The following OR6C4 variants were observed in gnomAD, a reference collection of about 807,000 sequenced individuals.
The protein encoded by OR6C4 is olfactory receptor 6C4.
OR6C4 carries 20 observed loss-of-function variants against 15.1 expected under a neutral mutation model. That is an observed-to-expected ratio of 1.32 (90% CI 0.93 to 1.92). OR6C4 has a LOEUF of 1.92. OR6C4 is among the 30% of genes most tolerant of loss of function. OR6C4 has a pLI of 0.00. For synonymous variants in OR6C4, 179 were observed against 134.2 expected, an observed-to-expected ratio of 1.33 and a Z score of -2.31; for missense variants, 491 against 363.2, an observed-to-expected ratio of 1.35 and a Z score of -2.86.
rs1055760359 is a variant in OR6C4, at chr12:55,552,799, G to T, written c.*643G>T. 2.0e-5 allele frequency: 3 copies of T among 151,846 alleles called. No individual in the cohort carries two copies. The highest frequency in any genetic ancestry group is 7.3e-5 in the African/African-American group (3 of 41,354). The allele number at this position is 151,846 out of a possible 1,614,324, so 9.4% of individuals were successfully genotyped here. The stretch of plus-strand genomic sequence containing the variant: ...TGAGGAGAAAATTTTTAAGATTTTT[G>T]TCAACTTAATATGTCCATTTTCTAG... On this transcript the variant is annotated 3_prime_UTR_variant, in exon 2 of 2. Coordinates refer to ENST00000641569, the MANE Select transcript of OR6C4 (RefSeq NM_001005494.2).
rs1469736024 is a variant in OR6C4, at chr12:55,554,282, G to A, written c.*2126G>A. 6.6e-6 allele frequency: 1 copy of A among 152,144 alleles called. No homozygotes were observed. The highest frequency in any genetic ancestry group is 1.5e-5 in the Non-Finnish European group (1 of 68,024). The allele number at this position is 152,144 out of a possible 1,614,324, so 9.4% of individuals were successfully genotyped here. On this transcript the variant is annotated 3_prime_UTR_variant, in exon 2 of 2. Transcript: ENST00000641569. Reference sequence around the variant, plus strand: ...GAGAGACAGGATGTATTAACATGCTGAGACAAGGAAGGAAGGTACTTTGTG... The same window carrying A: ...GAGAGACAGGATGTATTAACATGCTAAGACAAGGAAGGAAGGTACTTTGTG...
rs1285778824 is a variant in OR6C4 at position 55,551,779 on chromosome 12, C to G, written c.553C>G (p.Leu185Val). The G allele has an allele frequency of 6.2e-7, 1 of 1,612,722 alleles. No individual in the cohort carries two copies. The highest frequency in any genetic ancestry group is 8.5e-7 in the Non-Finnish European group (1 of 1,179,924). Residue 185 changes from leucine to valine, a missense_variant, in exon 2 of 2, where the codon CTT becomes GTT. Leu to Val is a conservative substitution (Grantham distance 32). Coordinates refer to ENST00000641569, the MANE Select transcript of OR6C4 (RefSeq NM_001005494.2). Reference sequence around the variant, plus strand: ...CTGTGACTATGGGCCTCTCGTGGAGCTTGCCTGCTCAGACACAAGCCTCTT... The same window carrying G: ...CTGTGACTATGGGCCTCTCGTGGAGGTTGCCTGCTCAGACACAAGCCTCTT... ...YYCDYGPLVELACSDTSLLEL... is the reference protein window; with the variant it reads ...YYCDYGPLVEVACSDTSLLEL...
chr12:55,550,379 A>G (rs774446773), intron 1 of OR6C4, among the ~76,000 whole-genome samples: 4 of 152,156 alleles, frequency 2.6e-5, no homozygotes, highest in Non-Finnish European at 4.4e-5. Flanking sequence ...TATTATCAAA[A>G]ACTTTTTCTG....
At position 55,551,696 on chromosome 12, in the gene OR6C4, C is replaced by G. The variant is rs772631753; in HGVS notation, c.470C>G (p.Pro157Arg). ...WLGGFLAILP[P>R]IILMTQVDFC... ...GGGGGATTCCTAGCAATCTTACCACCAATCATCCTGATGACCCAGGTAGAT... is the reference window on the plus strand; with the variant it reads ...GGGGGATTCCTAGCAATCTTACCACGAATCATCCTGATGACCCAGGTAGAT... The change falls in exon 2 of 2, where the codon CCA becomes CGA. Residue 157 changes from proline to arginine, a missense_variant. Coordinates refer to ENST00000641569, the MANE Select transcript of OR6C4 (RefSeq NM_001005494.2). The G allele has an allele frequency of 6.2e-7, 1 of 1,613,820 alleles. No individual in the cohort carries two copies. Among genetic ancestry groups the G allele is most frequent in the Non-Finnish European group, 8.5e-7 (1 of 1,179,852 alleles).
rs1247178023 is a variant in OR6C4 at position 55,554,284 on chromosome 12, G to C, written c.*2128G>C. 1 of 152,094 alleles carries C rather than the reference G, an allele frequency of 6.6e-6. No individual in the cohort carries two copies. Among genetic ancestry groups the C allele is most frequent in the Non-Finnish European group, 1.5e-5 (1 of 68,032 alleles). 9.4% of individuals were successfully genotyped at this position (152,094 alleles called of 1,614,324 possible). On this transcript the variant is annotated 3_prime_UTR_variant, in exon 2 of 2. Coordinates refer to ENST00000641569, the MANE Select transcript of OR6C4 (RefSeq NM_001005494.2). ...GAGACAGGATGTATTAACATGCTGA[G>C]ACAAGGAAGGAAGGTACTTTGTGTA...
chr12:55,550,677 T>A (rs778203002), intron 1 of OR6C4, among the ~76,000 whole-genome samples: 2 of 152,200 alleles, frequency 1.3e-5, no homozygotes, highest in African/African-American at 4.8e-5. Context: ...CAGCATTGCC[T>A]GTGTAGGGAA....
chr12:55,550,197 T>C (rs1015402203), intron 1 of OR6C4, 79 bp downstream of exon 1: 2 of 152,116 alleles, frequency 1.3e-5, no homozygotes, highest in Non-Finnish European at 2.9e-5. Context: ...GTATGGAAAG[T>C]TGACAAGAAT....
rs1318626413 is a variant in OR6C4, at chr12:55,553,021, A to G, written c.*865A>G. Reference sequence around the variant, plus strand: ...ATCCTTTTGTTTCACTTTATTAGATATTAGAAAAGAAAATTCTGTTATCTG... The same window carrying G: ...ATCCTTTTGTTTCACTTTATTAGATGTTAGAAAAGAAAATTCTGTTATCTG... On this transcript the variant is annotated 3_prime_UTR_variant, in exon 2 of 2. Coordinates refer to ENST00000641569, the MANE Select transcript of OR6C4 (RefSeq NM_001005494.2). The G allele has an allele frequency of 6.6e-6, 1 of 152,034 alleles. No individual in the cohort carries two copies. Among genetic ancestry groups the G allele is most frequent in the African/African-American group, 2.4e-5 (1 of 41,430 alleles). The allele number at this position is 152,034 out of a possible 1,614,324, so 9.4% of individuals were successfully genotyped here.
In OR6C4 at chr12:55,554,675, G is replaced by C. The variant is rs1368894924; in HGVS notation, c.*2519G>C. On this transcript the variant is annotated 3_prime_UTR_variant, in exon 2 of 2. Transcript: ENST00000641569. ...TCAGAATCATATTATACCAGTGCTA[G>C]GGTGAGGAGACTATGAAAATGAGTA... 1 of 152,128 alleles carries C rather than the reference G, an allele frequency of 6.6e-6. No homozygotes were observed. The highest frequency in any genetic ancestry group is 2.4e-5 in the African/African-American group (1 of 41,440). 9.4% of individuals were successfully genotyped at this position (152,128 alleles called of 1,614,324 possible). A position where few individuals can be genotyped will look rare whatever the true frequency, so the allele number is the denominator to read the frequency against.
intron 1 of OR6C4, 31 bp from the exon 2 acceptor site, chr12:55,551,178 A>ACCT: frequency 2.2e-6 from 3 of 1,334,742 alleles, no homozygotes; most frequent in Non-Finnish European, 3.2e-6. Context: ...GAAACTCTTC[A>ACCT]ATTTTCATCA....
At position 55,551,998 on chromosome 12, in the gene OR6C4, A is replaced by G. The variant is rs368977116; in HGVS notation, c.772A>G (p.Ile258Val). Residue 258 changes from isoleucine to valine, a missense_variant, in exon 2 of 2, where the codon ATT becomes GTT. Coordinates refer to ENST00000641569, the MANE Select transcript of OR6C4 (RefSeq NM_001005494.2). ...LSYGSCMFMY[I>V]NPSAKEGGAF... is the part of the protein sequence containing the mutation. ...TTATGGCAGCTGCATGTTTATGTAC[A>G]TTAATCCTTCTGCAAAAGAAGGAGG... 2 of 1,613,792 alleles carry G rather than the reference A, an allele frequency of 1.2e-6. No homozygotes were observed. The highest frequency in any genetic ancestry group is 2.2e-5 in the South Asian group (2 of 91,066).
At position 55,549,776 on chromosome 12, in the gene OR6C4, A is replaced by G. The variant is rs932879584; in HGVS notation, c.-361A>G. 1.3e-5 allele frequency: 2 copies of G among 152,162 alleles called. No individual in the cohort carries two copies. Among genetic ancestry groups the G allele is most frequent in the East Asian group, 3.9e-4 (2 of 5,172 alleles). 9.4% of individuals were successfully genotyped at this position (152,162 alleles called of 1,614,324 possible). Reference sequence around the variant, plus strand: ...TCTGTCTCTCAGGAACTATGATTTGATTCTGGATTGGATTCTTAGAATGGA... The same window carrying G: ...TCTGTCTCTCAGGAACTATGATTTGGTTCTGGATTGGATTCTTAGAATGGA... On this transcript the variant is annotated 5_prime_UTR_variant, in exon 1 of 2. The change abolishes the stop of an existing upstream ORF in the 5' untranslated region. Transcript: ENST00000641569.
chr12:55,552,087 A>C lies in OR6C4; in HGVS notation c.861A>C (p.Ile287=). The C allele has an allele frequency of 6.2e-7, 1 of 1,610,554 alleles. No individual in the cohort carries two copies. The highest frequency in any genetic ancestry group is 8.5e-7 in the Non-Finnish European group (1 of 1,179,148). The part of the protein sequence containing the change: ...TSVTPLLNPF[I]YTLRNQQVKQ... ...TTACTCCCTTACTGAATCCCTTCATATATACTTTAAGAAATCAGCAAGTGA... is the reference window on the plus strand; with the variant it reads ...TTACTCCCTTACTGAATCCCTTCATCTATACTTTAAGAAATCAGCAAGTGA... The change falls in exon 2 of 2, where the codon ATA becomes ATC. Residue 287 remains isoleucine (I), a synonymous_variant. Coordinates refer to ENST00000641569, the MANE Select transcript of OR6C4 (RefSeq NM_001005494.2).
Position 55,549,672 on chromosome 12 carries a change from CTG to C in OR6C4, c.-463_-462del, listed in dbSNP as rs1218442575. 6.6e-6 allele frequency: 1 copy of C among 152,144 alleles called. No homozygotes were observed. The highest frequency in any genetic ancestry group is 1.5e-5 in the Non-Finnish European group (1 of 68,016). The allele number at this position is 152,144 out of a possible 1,614,324, so 9.4% of individuals were successfully genotyped here. ...TAGAACATAAATTTTCAGAAATTTT[CTG>C]TCTCTCAAAGTATTTTCTTCCAATT... On this transcript the variant is annotated 5_prime_UTR_variant, in exon 1 of 2. Coordinates refer to ENST00000641569, the MANE Select transcript of OR6C4 (RefSeq NM_001005494.2).
In OR6C4 at chr12:55,551,604, A is replaced by G. The variant is rs1873864360; in HGVS notation, c.378A>G (p.Lys126=). 2.1e-5 allele frequency: 34 copies of G among 1,613,940 alleles called. No individual in the cohort carries two copies. Among genetic ancestry groups the G allele is most frequent in the Non-Finnish European group, 2.7e-5 (32 of 1,179,938 alleles). ...MSYDRYVAIC[K]PLHYLTIMSS... is the part of the protein sequence containing the mutation. ...ATGATCGTTATGTGGCCATCTGCAA[A>G]CCCTTGCATTACCTGACTATTATGA... is the stretch of plus-strand genomic sequence containing the variant. The change falls in exon 2 of 2, where the codon AAA becomes AAG. Residue 126 remains lysine, a synonymous_variant. Transcript: ENST00000641569.
Position 55,551,394 on chromosome 12 carries a change from C to T in OR6C4, c.168C>T (p.Pro56=). The change falls in exon 2 of 2, where the codon CCC becomes CCT. Residue 56 remains proline (P), a synonymous_variant. Coordinates refer to ENST00000641569, the MANE Select transcript of OR6C4 (RefSeq NM_001005494.2). ...TACTAGACCCCCACCTCCAGACCCC[C>T]ATGTATTTCTTCCTCCGGAATTTCT... ...LTLLDPHLQT[P]MYFFLRNFSF... 1 of 1,613,938 alleles carries T rather than the reference C, an allele frequency of 6.2e-7. No homozygotes were observed. Among genetic ancestry groups the T allele is most frequent in the Non-Finnish European group, 8.5e-7 (1 of 1,179,940 alleles).
chr12:55,550,731 G>A (rs1873832110), intron 1 of OR6C4, among the ~76,000 whole-genome samples: 3 of 152,108 alleles, frequency 2.0e-5, no homozygotes, highest in African/African-American at 7.2e-5. Flanking sequence ...GATTTGGACA[G>A]TAATGGAGAT....
chr12:55,551,249 G>A lies in OR6C4; in HGVS notation c.23G>A (p.Gly8Asp), dbSNP rs1034597513. The change falls in exon 2 of 2, where the codon GGT (glycine) becomes GAT (aspartate). Residue 8 changes from glycine (G) to aspartate (D), a missense_variant. Transcript: ENST00000641569. MKNRTMF[G>D]EFILLGLTNQ... ...ACAATGAAAAACAGAACCATGTTTGGTGAGTTTATTCTACTGGGCCTTACA... is the reference window on the plus strand; with the variant it reads ...ACAATGAAAAACAGAACCATGTTTGATGAGTTTATTCTACTGGGCCTTACA... 4 of 1,610,306 alleles carry A rather than the reference G, an allele frequency of 2.5e-6. No homozygotes were observed. In the African/African-American group the frequency reaches 5.4e-5, roughly 22 times the overall value.
rs1237089702 is a variant in OR6C4, at chr12:55,551,846, T to C, written c.620T>C (p.Val207Ala). 1.2e-6 allele frequency: 2 copies of C among 1,613,844 alleles called. No individual in the cohort carries two copies. Among genetic ancestry groups the C allele is most frequent in the Non-Finnish European group, 1.7e-6 (2 of 1,179,904 alleles). ...CTCTTGGCCGTTGTGACTCTCATGG[T>C]TACTCTGGTGCTGGTGACACTTTCT... ...VILLAVVTLM[V>A]TLVLVTLSYT... The change falls in exon 2 of 2, where the codon GTT becomes GCT. Residue 207 changes from valine to alanine, a missense_variant. Physicochemically the swap from Val to Ala is moderately conservative, Grantham distance 64 (BLOSUM62 0). Transcript: ENST00000641569.
Sources: allele counts gnomAD v4.1 joint callset (sites outside exome capture counted in the v4.1 genomes callset), GRCh38; gene constraint gnomAD v4.1.1; transcripts MANE v1.5; gene names NCBI Gene and HGNC (gene_info 2026-07-23, HGNC 2026-07-21).